The following ATP10A variants were observed in gnomAD, a reference collection of about 807,000 sequenced individuals.
The protein encoded by ATP10A is ATPase phospholipid transporting 10A (putative).
A neutral mutation model predicts 147.8 loss-of-function variants in ATP10A; 111 were observed. The ratio of observed to expected loss-of-function variants is 0.75; its 90% CI spans 0.64 to 0.88. The LOEUF is 0.88. Among genes scored for constraint, ATP10A ranks in the 40% least tolerant of loss-of-function variants. The pLI is 0.00. For synonymous variants in ATP10A, 875 were observed against 841.6 expected, an observed-to-expected ratio of 1.04 and a Z score of -0.69; for missense variants, 1,927 against 1,959.0, an observed-to-expected ratio of 0.98 and a Z score of 0.31.
In ATP10A at chr15:25,769,100, A is replaced by G. The variant is rs1265509982; in HGVS notation, c.654+11919T>C. ...CACATGCATGCACACGCGCTCCAATACTGAAACACACTCTAATCAGATTTT... is the reference window on the plus strand; with the variant it reads ...CACATGCATGCACACGCGCTCCAATGCTGAAACACACTCTAATCAGATTTT... On this transcript the variant is annotated intron_variant, in intron 2 of 20. Coordinates refer to ENST00000555815, the MANE Select transcript of ATP10A (RefSeq NM_024490.4). Among the ~76,000 whole-genome samples the G allele has an allele frequency of 4.6e-5, 7 of 152,250 alleles. No homozygotes were observed. In the East Asian group the frequency reaches 1.2e-3, roughly 25 times the overall value.
intron 3 of ATP10A, 96 bp downstream of exon 3, chr15:25,735,960 G>A (rs1887242006): frequency 9.1e-7 from 1 of 1,098,866 alleles, no homozygotes; most frequent in Admixed American, 1.9e-5. Context: ...GTGGCAAAGA[G>A]TATTAAATGC....
In ATP10A at chr15:25,779,451, T is replaced by C. The variant is rs190554304; in HGVS notation, c.654+1568A>G. On this transcript the variant is annotated intron_variant, in intron 2 of 20. Transcript: ENST00000555815. ...GACCCCGGGAACTGAGAGGGGATGC[T>C]GTCCCTGGCTGATGTCAGTGTTAGT... 4.0e-3 allele frequency among the ~76,000 whole-genome samples: 606 copies of C among 152,254 alleles called. 4 individuals are homozygous for C. Among genetic ancestry groups the C allele is most frequent in the African/African-American group, 0.014 (598 of 41,552 alleles).
chr15:25,708,736 C>T (rs186568427), intron 10 of ATP10A: 1 of 163,780 alleles, frequency 6.1e-6, no homozygotes, highest in Non-Finnish European at 1.3e-5. Flanking sequence ...TCACGTTCTT[C>T]CTGTTAATGA....
At chr15:25,857,767 T>C (rs1893579482) in intron 1 of ATP10A, among the ~76,000 whole-genome samples, 1 of 152,156 alleles carries the variant, frequency 6.6e-6, no homozygotes, top group South Asian at 2.1e-4. Context: ...CCAAGTAAGG[T>C]AATAACTGTG....
At chr15:25,781,912 A>C (rs371603614) in intron 1 of ATP10A, among the ~76,000 whole-genome samples, 17 of 152,190 alleles carry the variant, frequency 1.1e-4, no homozygotes, top group East Asian at 3.9e-4. Flanking sequence ...CACTGAATGC[A>C]CTTGAATTTT....
chr15:25,683,415 C>A lies in ATP10A; in HGVS notation c.3363G>T (p.Trp1121Cys). ...AGAGCAGATTAAAGAAGATTAGATA[C>A]CACTGGTCAATCATGGTAGATGCAG... ...GFSASTMIDQ[W>C]YLIFFNLLFS... The change falls in exon 17 of 21, where the codon TGG (tryptophan) becomes TGT (cysteine). Residue 1121 changes from tryptophan to cysteine, a missense_variant. Trp to Cys is a radical substitution (Grantham distance 215, BLOSUM62 -2). Transcript: ENST00000555815. 6.2e-7 allele frequency: 1 copy of A among 1,614,048 alleles called. No homozygotes were observed. The highest frequency in any genetic ancestry group is 8.5e-7 in the Non-Finnish European group (1 of 1,179,998).
intron 1 of ATP10A, among the ~76,000 whole-genome samples, chr15:25,828,567 A>G (rs1452291841): frequency 6.6e-6 from 1 of 152,216 alleles, no homozygotes; most frequent in Non-Finnish European, 1.5e-5. Context: ...AATCACACGG[A>G]AATTAGGAAA....
At chr15:25,839,414 C>G (rs1457945263) in intron 1 of ATP10A, among the ~76,000 whole-genome samples, 3 of 152,162 alleles carry the variant, frequency 2.0e-5, no homozygotes, top group South Asian at 2.1e-4. Context: ...AAGCAACATT[C>G]TCCCACTCTC....
At chr15:25,811,525 T>C (rs1359341011) in intron 1 of ATP10A, among the ~76,000 whole-genome samples, 4 of 152,138 alleles carry the variant, frequency 2.6e-5, no homozygotes, top group Admixed American at 2.6e-4. Flanking sequence ...CCTCCCGGCT[T>C]TCTGTGGATG....
intron 12 of ATP10A, 110 bp from the exon 13 acceptor site, chr15:25,702,210 C>T (rs1900710421): frequency 1.4e-5 from 16 of 1,146,592 alleles, no homozygotes; most frequent in Non-Finnish European, 1.8e-5. Context: ...ACTGGTACAG[C>T]CCCTGTTGCC....
Position 25,831,862 on chromosome 15 carries a change from C to T in ATP10A, c.449+30786G>A, listed in dbSNP as rs533635942. ...CAAAAACCCTCCAGTGCCAGTAGGA[C>T]AGTGCCAGTACGTGACTTTGGCGAT... On this transcript the variant is annotated intron_variant, in intron 1 of 20. Coordinates refer to ENST00000555815, the MANE Select transcript of ATP10A (RefSeq NM_024490.4). Among the ~76,000 whole-genome samples, 3 of 152,280 alleles carry T rather than the reference C, an allele frequency of 2.0e-5. No homozygotes were observed. The South Asian group carries it at 6.2e-4, about 32-fold the overall frequency.
At chr15:25,732,803 C>G (rs1267452861) in intron 3 of ATP10A, among the ~76,000 whole-genome samples, 1 of 151,932 alleles carries the variant, frequency 6.6e-6, no homozygotes, top group African/African-American at 2.4e-5. Flanking sequence ...GATCTGCCCG[C>G]CCCGGCCTCC....
intron 2 of ATP10A, among the ~76,000 whole-genome samples, chr15:25,780,552 T>C (rs895509934): frequency 6.6e-6 from 1 of 152,154 alleles, no homozygotes; most frequent in Non-Finnish European, 1.5e-5. Context: ...CTCACCCTGC[T>C]GCACGGTGGC....
intron 13 of ATP10A, among the ~76,000 whole-genome samples, chr15:25,697,721 C>T (rs908846038): frequency 6.6e-6 from 1 of 152,214 alleles, no homozygotes; most frequent in Non-Finnish European, 1.5e-5. Flanking sequence ...TAACTCCACA[C>T]TCCTTAACTG....
intron 1 of ATP10A, among the ~76,000 whole-genome samples, chr15:25,785,723 T>C (rs1443727955): frequency 6.6e-6 from 1 of 152,180 alleles, no homozygotes; most frequent in Non-Finnish European, 1.5e-5. Flanking sequence ...TTCTTGAGGC[T>C]TTTATCAGCA....
At chr15:25,729,953 G>A (rs949323179) in intron 3 of ATP10A, among the ~76,000 whole-genome samples, 3 of 152,074 alleles carry the variant, frequency 2.0e-5, no homozygotes, top group Non-Finnish European at 2.9e-5. Context: ...CCTCCAGTGG[G>A]GGATGACAGG....
intron 2 of ATP10A, among the ~76,000 whole-genome samples, chr15:25,763,776 A>C (rs1027308638): frequency 1.1e-4 from 17 of 152,226 alleles, no homozygotes; most frequent in Non-Finnish European, 2.5e-4. Context: ...TCCCCTGTGG[A>C]TCAATCAATA....
At chr15:25,820,552 A>C (rs1891838190) in intron 1 of ATP10A, among the ~76,000 whole-genome samples, 1 of 152,208 alleles carries the variant, frequency 6.6e-6, no homozygotes, top group Admixed American at 6.5e-5. Context: ...AAAACACACA[A>C]GAAAACAATT....
At chr15:25,818,578 AC>A (rs1364213582) in intron 1 of ATP10A, among the ~76,000 whole-genome samples, 1 of 152,162 alleles carries the variant, frequency 6.6e-6, no homozygotes, top group Non-Finnish European at 1.5e-5. Flanking sequence ...TACTAATATC[AC>A]TTTTCACAAA....
Sources: gnomAD v4.1 joint callset for allele counts (sites outside exome capture counted in the v4.1 genomes callset) on GRCh38, gnomAD v4.1.1 for gene constraint, MANE v1.5 for transcripts, NCBI Gene and HGNC (gene_info 2026-07-23, HGNC 2026-07-21) for gene names.